Variants in ANKRD52 observed in about 807,000 individuals in gnomAD.
The protein encoded by ANKRD52 is ankyrin repeat domain 52.
In ANKRD52, 7 loss-of-function variants were observed where a neutral mutation model predicts 116.0. That is an observed-to-expected ratio of 0.06 (90% CI 0.03 to 0.11). The LOEUF (loss-of-function observed/expected upper bound fraction) is 0.11, where lower values mean the gene tolerates loss of function less well. Ranked by LOEUF, ANKRD52 falls within the 10% of genes least tolerant of loss-of-function variation. The pLI is 1.00. For missense variants in ANKRD52, 839 were observed against 1,408.6 expected, an observed-to-expected ratio of 0.60 and a Z score of 6.47; for synonymous variants, 528 against 578.1, an observed-to-expected ratio of 0.91 and a Z score of 1.24.
chr12:56,247,737 G>A lies in ANKRD52; in HGVS notation c.2016C>T (p.Ile672=), dbSNP rs754151905. 9.3e-6 allele frequency: 15 copies of A among 1,612,662 alleles called. No individual in the cohort carries two copies. The highest frequency in any genetic ancestry group is 2.2e-5 in the East Asian group (1 of 44,868). Residue 672 remains isoleucine (I), a synonymous_variant, in exon 19 of 28, where the codon ATC becomes ATT. Transcript: ENST00000267116. The part of the protein sequence containing the change: ...SGHTDSLHLL[I]DSGERADITD... ...TGATGTCAGCTCGTTCCCCACTGTC[G>A]ATCAGCAAGTGCAGGGAGTCAGTGT... is the stretch of plus-strand genomic sequence containing the variant.
chr12:56,257,396 CG>C (rs1347619542), intron 2 of ANKRD52, 35 bp from the exon 3 acceptor site: 2 of 1,538,914 alleles, frequency 1.3e-6, no homozygotes, highest in South Asian at 1.2e-5. Flanking sequence ...AGTATGGGCG[CG>C]GGGTAAGGGG....
Position 56,254,536 on chromosome 12 carries a change from T to C in ANKRD52, c.693+42A>G. ...TCCGTAACAGACTATAATCTCCTAC[T>C]TGCTGCCCATAGTTCCCAACCCCAG... On this transcript the variant is annotated intron_variant, in intron 7 of 27. Coordinates refer to ENST00000267116, the MANE Select transcript of ANKRD52 (RefSeq NM_173595.4). This position sits in a 1 kb window ranked among gnomAD's most constrained non-coding sequence, Gnocchi z 4.6. 1 of 1,603,286 alleles carries C rather than the reference T, an allele frequency of 6.2e-7. No homozygotes were observed. The highest frequency in any genetic ancestry group is 8.5e-7 in the Non-Finnish European group (1 of 1,174,418).
Position 56,248,623 on chromosome 12 carries a change from A to G in ANKRD52, c.1705-57T>C. ...TCTGGAACTCCCAAGATAGTACCCC[A>G]GTCCCCGACTCGCAGTAATCCCCAC... On this transcript the variant is annotated intron_variant, in intron 16 of 27. Transcript: ENST00000267116. This position sits in a 1 kb window ranked among gnomAD's most constrained non-coding sequence, Gnocchi z 5.1. 3 of 1,520,584 alleles carry G rather than the reference A, an allele frequency of 2.0e-6. No individual in the cohort carries two copies. Among genetic ancestry groups the G allele is most frequent in the Non-Finnish European group, 2.7e-6 (3 of 1,115,780 alleles). The allele number at this position is 1,520,584 out of a possible 1,614,324, so 94.2% of individuals were successfully genotyped here.
intron 15 of ANKRD52, among the ~76,000 whole-genome samples, chr12:56,250,189 T>G (rs949417236): frequency 6.6e-6 from 1 of 151,932 alleles, no homozygotes; most frequent in Non-Finnish European, 1.5e-5. Flanking sequence ...AGAGCAAGAC[T>G]CCATCTCAAA....
Position 56,253,140 on chromosome 12 carries a change from C to T in ANKRD52, c.1101-54G>A. ...TGGGTCAAGGAGGGACCAAGTAAGA[C>T]CTCTTCTGTGACCTACCACCACCCT... On this transcript the variant is annotated intron_variant, in intron 10 of 27. Coordinates refer to ENST00000267116, the MANE Select transcript of ANKRD52 (RefSeq NM_173595.4). The surrounding 1 kb of genome is among the most constrained non-coding windows in gnomAD (Gnocchi z 5.5). The T allele has an allele frequency of 6.7e-7, 1 of 1,489,322 alleles. No individual in the cohort carries two copies. Among genetic ancestry groups the T allele is most frequent in the Non-Finnish European group, 9.1e-7 (1 of 1,102,996 alleles). The allele number at this position is 1,489,322 out of a possible 1,614,324, so 92.3% of individuals were successfully genotyped here. A position where few individuals can be genotyped will look rare whatever the true frequency, so the allele number is the denominator to read the frequency against.
intron 18 of ANKRD52, 99 bp from the exon 19 acceptor site, chr12:56,247,873 G>T (rs2135883065): frequency 7.1e-7 from 1 of 1,404,678 alleles, no homozygotes; most frequent in Non-Finnish European, 9.8e-7. Context: ...GAAAGACCTG[G>T]GCCAGGGAGA....
At chr12:56,247,663 C>T (rs755121198) in intron 19 of ANKRD52, 24 bp downstream of exon 19, 1 of 1,603,494 alleles carries the variant, frequency 6.2e-7, no homozygotes, top group Non-Finnish European at 8.5e-7. Flanking sequence ...GGAAAACCTG[C>T]ACCCCACCCT....
Position 56,252,466 on chromosome 12 carries a change from G to T in ANKRD52, c.1370+36C>A. ...CCTCTACCATTTGTTTCTCTAATCAGATATTCCCTATGTTTACCCCTGCAT... is the reference window on the plus strand; with the variant it reads ...CCTCTACCATTTGTTTCTCTAATCATATATTCCCTATGTTTACCCCTGCAT... On this transcript the variant is annotated intron_variant, in intron 13 of 27. Coordinates refer to ENST00000267116, the MANE Select transcript of ANKRD52 (RefSeq NM_173595.4). This position sits in a 1 kb window ranked among gnomAD's most constrained non-coding sequence, Gnocchi z 4.7. The T allele has an allele frequency of 6.2e-7, 1 of 1,603,766 alleles. No individual in the cohort carries two copies. Among genetic ancestry groups the T allele is most frequent in the Non-Finnish European group, 8.5e-7 (1 of 1,170,746 alleles).
rs754863461 is a variant in ANKRD52 at position 56,243,117 on chromosome 12, G to A, written c.*25C>T. 36 of 1,560,356 alleles carry A rather than the reference G, an allele frequency of 2.3e-5. No individual in the cohort carries two copies. The highest frequency in any genetic ancestry group is 4.6e-5 in the East Asian group (2 of 43,374). ...AAATAGAATTAGATATCAAGCCACC[G>A]GCGGGGGAGGGACACTGGAGGGGGC... On this transcript the variant is annotated 3_prime_UTR_variant, in exon 28 of 28. Transcript: ENST00000267116. This position sits in a 1 kb window ranked among gnomAD's most constrained non-coding sequence, Gnocchi z 4.6.
At position 56,252,685 on chromosome 12, in the gene ANKRD52, T is replaced by C; in HGVS notation, c.1301+95A>G. On this transcript the variant is annotated intron_variant, in intron 12 of 27. Coordinates refer to ENST00000267116, the MANE Select transcript of ANKRD52 (RefSeq NM_173595.4). The surrounding 1 kb of genome is among the most constrained non-coding windows in gnomAD (Gnocchi z 4.7). ...CTTTCTGCTGTGACTGCTTTCATTG[T>C]GAGAGGGGGAATAGATCTGGGCAGG... is the stretch of plus-strand genomic sequence containing the variant. 19 of 1,537,614 alleles carry C rather than the reference T, an allele frequency of 1.2e-5. No homozygotes were observed. Among genetic ancestry groups the C allele is most frequent in the Admixed American group, 5.0e-5 (3 of 59,432 alleles).
At position 56,252,464 on chromosome 12, in the gene ANKRD52, C is replaced by A; in HGVS notation, c.1370+38G>T. 1.2e-6 allele frequency: 2 copies of A among 1,603,474 alleles called. No homozygotes were observed. The highest frequency in any genetic ancestry group is 2.2e-5 in the South Asian group (2 of 90,820). On this transcript the variant is annotated intron_variant, in intron 13 of 27. Transcript: ENST00000267116. This position sits in a 1 kb window ranked among gnomAD's most constrained non-coding sequence, Gnocchi z 4.7. ...TCCCTCTACCATTTGTTTCTCTAAT[C>A]AGATATTCCCTATGTTTACCCCTGC...
In ANKRD52 at chr12:56,254,421, C is replaced by T. The variant is rs1024086519; in HGVS notation, c.694-142G>A. On this transcript the variant is annotated intron_variant, in intron 7 of 27. Transcript: ENST00000267116. This position sits in a 1 kb window ranked among gnomAD's most constrained non-coding sequence, Gnocchi z 4.6. ...ACCCAAGGTACTAAGGTACTAAGGG[C>T]ACTATGGCTAAGGTAAGCATTATTC... The T allele has an allele frequency of 7.0e-7, 1 of 1,430,436 alleles. No homozygotes were observed. Among genetic ancestry groups the T allele is most frequent in the South Asian group, 1.3e-5 (1 of 77,184 alleles). 88.6% of individuals were successfully genotyped at this position (1,430,436 alleles called of 1,614,324 possible). A position where few individuals can be genotyped will look rare whatever the true frequency, so the allele number is the denominator to read the frequency against.
rs192249259 is a variant in ANKRD52, at chr12:56,241,140, G to A, written c.*2002C>T. ...CATATAGGGGAGGACACGGTGTGGA[G>A]GGAGGTGGGCAAGAGGGGCGTCACA... On this transcript the variant is annotated 3_prime_UTR_variant, in exon 28 of 28. Coordinates refer to ENST00000267116, the MANE Select transcript of ANKRD52 (RefSeq NM_173595.4). 2 of 138,580 alleles carry A rather than the reference G, an allele frequency of 1.4e-5. No homozygotes were observed. Among genetic ancestry groups the A allele is most frequent in the East Asian group, 2.2e-4 (1 of 4,638 alleles). 8.6% of individuals were successfully genotyped at this position (138,580 alleles called of 1,614,324 possible). A position where few individuals can be genotyped will look rare whatever the true frequency, so the allele number is the denominator to read the frequency against.
At position 56,242,497 on chromosome 12, in the gene ANKRD52, T is replaced by C. The variant is rs1404238526; in HGVS notation, c.*645A>G. On this transcript the variant is annotated 3_prime_UTR_variant, in exon 28 of 28. Transcript: ENST00000267116. The surrounding 1 kb of genome is among the most constrained non-coding windows in gnomAD (Gnocchi z 4.3). The stretch of plus-strand genomic sequence containing the variant: ...GAGGAGCCAGGGGAGAGTGCAGGAT[T>C]GGGGCCCAGGTACAGTAGTTGCTGC... The C allele has an allele frequency of 1.8e-5, 5 of 279,798 alleles. No homozygotes were observed. Among genetic ancestry groups the C allele is most frequent in the African/African-American group, 1.1e-4 (5 of 46,006 alleles). 17.3% of individuals were successfully genotyped at this position (279,798 alleles called of 1,614,324 possible).
chr12:56,257,504 G>A, intron 2 of ANKRD52, 143 bp from the exon 3 acceptor site: 2 of 813,016 alleles, frequency 2.5e-6, no homozygotes, highest in Non-Finnish European at 3.9e-6. Flanking sequence ...GGTATTGGGA[G>A]TCAAAGGCAA....
At chr12:56,247,380 C>A in intron 20 of ANKRD52, 113 bp downstream of exon 20, 7 of 801,438 alleles carry the variant, frequency 8.7e-6, no homozygotes, top group South Asian at 3.8e-5. Flanking sequence ...AGAAAAAAGA[C>A]GGCACAAAAT....
Position 56,253,817 on chromosome 12 carries a change from G to T in ANKRD52, c.907-17C>A. The T allele has an allele frequency of 6.2e-7, 1 of 1,612,900 alleles. No homozygotes were observed. Among genetic ancestry groups the T allele is most frequent in the Non-Finnish European group, 8.5e-7 (1 of 1,179,436 alleles). On this transcript the variant is annotated splice_polypyrimidine_tract_variant and intron_variant, in intron 8 of 27. Transcript: ENST00000267116. This position sits in a 1 kb window ranked among gnomAD's most constrained non-coding sequence, Gnocchi z 5.5. ...TTCTTTGCTCTGTGGAAACATGGTG[G>T]GTTTTTGTTTTTGTTTTTTTTTCCA...
Position 56,243,127 on chromosome 12 carries a change from G to A in ANKRD52, c.*15C>T. 2 of 1,573,094 alleles carry A rather than the reference G, an allele frequency of 1.3e-6. No homozygotes were observed. Among genetic ancestry groups the A allele is most frequent in the Non-Finnish European group, 1.7e-6 (2 of 1,157,812 alleles). On this transcript the variant is annotated 3_prime_UTR_variant, in exon 28 of 28. Coordinates refer to ENST00000267116, the MANE Select transcript of ANKRD52 (RefSeq NM_173595.4). The surrounding 1 kb of genome is among the most constrained non-coding windows in gnomAD (Gnocchi z 4.6). The stretch of plus-strand genomic sequence containing the variant: ...AGATATCAAGCCACCGGCGGGGGAG[G>A]GACACTGGAGGGGGCTACTCAGAGT...
In ANKRD52 at chr12:56,248,065, T is replaced by G; in HGVS notation, c.1936A>C (p.Ile646Leu). Residue 646 changes from isoleucine (I) to leucine (L), a missense_variant, in exon 18 of 28, where the codon ATC (isoleucine) becomes CTC (leucine). Around this residue, in one of 2 missense-constraint regions of ANKRD52, gnomAD observed 552 missense variants for 810.6 expected, o/e 0.68. Coordinates refer to ENST00000267116, the MANE Select transcript of ANKRD52 (RefSeq NM_173595.4). The surrounding 1 kb of genome is among the most constrained non-coding windows in gnomAD (Gnocchi z 5.1). ...VLTAHGASAL[I>L]KERKRKWTPL... The stretch of plus-strand genomic sequence containing the variant: ...GTCCACTTGCGCTTGCGCTCCTTGA[T>G]GAGGGCAGAGGCGCCGTGGGCTGTA... 6.2e-7 allele frequency: 1 copy of G among 1,610,844 alleles called. No homozygotes were observed. The highest frequency in any genetic ancestry group is 8.5e-7 in the Non-Finnish European group (1 of 1,179,828).
Sources: gnomAD v4.1 joint callset for allele counts (sites outside exome capture counted in the v4.1 genomes callset) on GRCh38, gnomAD v4.1.1 for gene constraint, gnomAD v4.1.1 regional missense constraint, Gnocchi (gnomAD v3.1) non-coding constraint, MANE v1.5 for transcripts, NCBI Gene and HGNC (gene_info 2026-07-23, HGNC 2026-07-21) for gene names.